Variants in ITFG2 observed in about 807,000 individuals in gnomAD.
ITFG2 encodes the protein integrin alpha FG-GAP repeat containing 2.
Under a neutral mutation model 54.4 loss-of-function variants are expected in ITFG2, and 36 were observed. The observed-to-expected ratio is 0.66, with a 90% CI of 0.51 to 0.87. The LOEUF is 0.87. Among genes scored for constraint, ITFG2 ranks in the 40% least tolerant of loss-of-function variants. The pLI is 0.00. For synonymous variants in ITFG2, 211 were observed against 225.4 expected (o/e 0.94, Z 0.57); for missense variants, 524 against 576.7 (o/e 0.91, Z 0.94).
In ITFG2 at chr12:2,830,803, C is replaced by G. The variant is rs759926421; in HGVS notation, c.*60-31C>G. 4 of 1,613,692 alleles carry G rather than the reference C, an allele frequency of 2.5e-6. No homozygotes were observed. The African/African-American group carries it at 5.3e-5, about 22-fold the overall frequency. Reference sequence around the variant, plus strand: ...AGGTCCTGCATCCGGGGAGGCTCCCCCTGAAGCCAATTCGGGTTTCCCTCC... The same window carrying G: ...AGGTCCTGCATCCGGGGAGGCTCCCGCTGAAGCCAATTCGGGTTTCCCTCC... On this transcript the variant is annotated intron_variant and NMD_transcript_variant, in intron 2 of 2. Transcript: ENST00000538822.
At chr12:2,859,776 A>G in exon 4 of ITFG2, 1 of 753,202 alleles carries the variant, frequency 1.3e-6, no homozygotes, top group Non-Finnish European at 2.1e-6. Flanking sequence ...AAAATCTATT[A>G]AATATGAGAA....
At chr12:2,815,648 G>T (rs902821262) in intron 1 of ITFG2, among the ~76,000 whole-genome samples, 4 of 152,304 alleles carry the variant, frequency 2.6e-5, no homozygotes, top group African/African-American at 7.2e-5. Context: ...CACCATCTTG[G>T]GCTGTTTTCA....
At chr12:2,813,565 A>C (rs913701798) in intron 1 of ITFG2, among the ~76,000 whole-genome samples, 8 of 152,212 alleles carry the variant, frequency 5.3e-5, no homozygotes, top group African/African-American at 1.9e-4. Context: ...CATTGACTAA[A>C]GTATGGAGAG....
At chr12:2,827,998 G>A (rs1300471515), downstream of ITFG2, 4 of 1,614,164 alleles carry the variant, frequency 2.5e-6, no homozygotes, top group East Asian at 2.2e-5. This position sits in a 1 kb window ranked among gnomAD's most constrained non-coding sequence, Gnocchi z 4.0. Context: ...TGGGTTGGGG[G>A]CCCAGGGGCC....
chr12:2,844,532 C>G (rs1314689353), intron 2 of ITFG2, among the ~76,000 whole-genome samples: 4 of 152,070 alleles, frequency 2.6e-5, no homozygotes, highest in Non-Finnish European at 4.4e-5. Context: ...CCAGCCTGGA[C>G]AGCAGAGCAA....
chr12:2,842,998 A>G (rs746813300), intron 2 of ITFG2, among the ~76,000 whole-genome samples: 10 of 152,070 alleles, frequency 6.6e-5, no homozygotes, highest in Non-Finnish European at 1.3e-4. Flanking sequence ...CCATCTTTTC[A>G]ACATTCTTTC....
At chr12:2,816,212 G>T (rs901364030) in intron 1 of ITFG2, among the ~76,000 whole-genome samples, 1 of 151,084 alleles carries the variant, frequency 6.6e-6, no homozygotes, top group Non-Finnish European at 1.5e-5. Flanking sequence ...TGTATTTTTA[G>T]TACAAACGGG....
intron 2 of ITFG2, among the ~76,000 whole-genome samples, chr12:2,843,741 A>T (rs1361031979): frequency 6.6e-6 from 1 of 151,894 alleles, no homozygotes; most frequent in Non-Finnish European, 1.5e-5. Flanking sequence ...TGAACCCGGG[A>T]GGTGGAGGTT....
At chr12:2,858,478 GGCTAGGGTGTGACT>G in intron 3 of ITFG2, 1 of 622,788 alleles carries the variant, frequency 1.6e-6, no homozygotes, top group Non-Finnish European at 2.8e-6. Flanking sequence ...TCCCAGCAGT[GGCTAGGGTGTGACT>G]GCTACTTTTG....
At chr12:2,844,349 T>C (rs1042694917) in intron 2 of ITFG2, among the ~76,000 whole-genome samples, 8 of 151,568 alleles carry the variant, frequency 5.3e-5, no homozygotes, top group Non-Finnish European at 1.0e-4. Flanking sequence ...AGGTCAGGAG[T>C]TCGACACCAG....
upstream of ITFG2, among the ~76,000 whole-genome samples, chr12:2,836,094 C>G (rs566025604): frequency 2.9e-4 from 44 of 152,320 alleles, no homozygotes; most frequent in South Asian, 8.7e-3. Context: ...CACACATCTC[C>G]TGGGGCACCT....
chr12:2,835,123 T>C, upstream of ITFG2: 3 of 1,426,318 alleles, frequency 2.1e-6, no homozygotes, highest in South Asian at 4.5e-5. Context: ...TCCCCAACGC[T>C]GGGGTCCTGG....
intron 9 of ITFG2, 73 bp from the exon 10 acceptor site, chr12:2,822,721 C>A (rs1477904974): frequency 1.4e-5 from 18 of 1,311,328 alleles, no homozygotes; most frequent in Middle Eastern, 2.1e-4. Flanking sequence ...AAATTCCTCC[C>A]CAGCTCGCTG....
At chr12:2,819,974 T>TAGCACCGC in intron 4 of ITFG2, 112 bp from the exon 5 acceptor site, 1 of 1,361,012 alleles carries the variant, frequency 7.3e-7, no homozygotes, top group Non-Finnish European at 9.8e-7. Context: ...GTGAAGTGAG[T>TAGCACCGC]AGCACCGCAG....
In ITFG2 at chr12:2,830,669, G is replaced by C; in HGVS notation, c.*60-165G>C. 3 of 1,581,800 alleles carry C rather than the reference G, an allele frequency of 1.9e-6. No individual in the cohort carries two copies. In the South Asian group the frequency reaches 3.5e-5, roughly 19 times the overall value. The stretch of plus-strand genomic sequence containing the variant: ...AGAGCAGGTGAAGTGAGTGCAGGCA[G>C]GGTTGTTAATGAAAGTGTGTCCCTG... On this transcript the variant is annotated intron_variant and NMD_transcript_variant, in intron 2 of 2. Transcript: ENST00000538822.
downstream of ITFG2, chr12:2,828,528 T>C (rs2097982135): frequency 1.2e-6 from 1 of 840,660 alleles, no homozygotes; most frequent in South Asian, 1.5e-5. Context: ...GTGGAGAAAA[T>C]GAACTGTCTT....
chr12:2,820,550 C>G (rs1404840366), intron 5 of ITFG2, among the ~76,000 whole-genome samples, 174 bp from the exon 6 acceptor site: 2 of 152,014 alleles, frequency 1.3e-5, no homozygotes, highest in Non-Finnish European at 2.9e-5. Flanking sequence ...GGCAGGAGCC[C>G]TGGAAACTCG....
intron 1 of ITFG2, among the ~76,000 whole-genome samples, chr12:2,815,008 T>G (rs1674963350): frequency 6.6e-6 from 1 of 151,934 alleles, no homozygotes; most frequent in South Asian, 2.1e-4. Context: ...AGTTTCACTC[T>G]TATTGTCCAG....
rs74054753 is a variant in ITFG2, at chr12:2,830,583, G to A, written c.*60-251G>A. The stretch of plus-strand genomic sequence containing the variant: ...GGTAGAGGATCCTGGTTAGGTCCAG[G>A]CTAGGGAGAGAGGTGCCCTTTCTCC... On this transcript the variant is annotated intron_variant and NMD_transcript_variant, in intron 2 of 2. Coordinates refer to the ITFG2 transcript ENST00000538822. 1,136 of 1,062,020 alleles carry A rather than the reference G, an allele frequency of 1.1e-3. 20 individuals carry two copies. The African/African-American group carries it at 0.017, about 16-fold the overall frequency. The allele number at this position is 1,062,020 out of a possible 1,614,324, so 65.8% of individuals were successfully genotyped here. A position where few individuals can be genotyped will look rare whatever the true frequency, so the allele number is the denominator to read the frequency against.
Sources: allele counts gnomAD v4.1 joint callset (sites outside exome capture counted in the v4.1 genomes callset), GRCh38; gene constraint gnomAD v4.1.1; non-coding constraint Gnocchi (gnomAD v3.1); transcripts MANE v1.5; gene names NCBI Gene and HGNC (gene_info 2026-07-23, HGNC 2026-07-21).